Variants in GRM1 observed in about 807,000 individuals in gnomAD.
GRM1 encodes glutamate metabotropic receptor 1, also known as metabotropic glutamate receptor 1.
Under a neutral mutation model 90.9 loss-of-function variants are expected in GRM1, and 33 were observed. That is an observed-to-expected ratio of 0.36 (90% CI 0.28 to 0.49). The LOEUF (loss-of-function observed/expected upper bound fraction) is 0.49, where lower values mean the gene tolerates loss of function less well. GRM1 is among the 20% of genes least tolerant of loss of function. The pLI, the probability that GRM1 is intolerant of heterozygous loss-of-function variation, is 0.99. For synonymous variants in GRM1, 700 were observed against 613.2 expected (o/e 1.14, Z -2.09); for missense variants, 1,190 against 1,534.3 (o/e 0.78, Z 3.75).
intron 1 of GRM1, among the ~76,000 whole-genome samples, chr6:146,106,988 C>T (rs930139228): frequency 6.6e-6 from 1 of 152,198 alleles, no homozygotes; most frequent in African/African-American, 2.4e-5. Flanking sequence ...TCTTCGACCT[C>T]TGGGTAGCAT....
At chr6:146,412,013 C>G (rs1440838767) in intron 7 of GRM1, among the ~76,000 whole-genome samples, 1 of 152,066 alleles carries the variant, frequency 6.6e-6, no homozygotes, top group African/African-American at 2.4e-5. Flanking sequence ...TTAAGATGAA[C>G]CTAACTGTCT....
intron 5 of GRM1, among the ~76,000 whole-genome samples, chr6:146,369,091 G>A (rs538819503): frequency 7.2e-5 from 11 of 151,948 alleles, no homozygotes; most frequent in Admixed American, 5.3e-4. Context: ...TATGTATTCA[G>A]GAAATTATCC....
chr6:146,397,541 G>A (rs561533408), intron 6 of GRM1, among the ~76,000 whole-genome samples: 47 of 149,710 alleles, frequency 3.1e-4, no homozygotes, highest in Middle Eastern at 3.5e-3. Flanking sequence ...CTATAGTAAG[G>A]GATAGTTATG....
chr6:146,390,663 C>A (rs1776681938), intron 6 of GRM1, among the ~76,000 whole-genome samples: 1 of 151,366 alleles, frequency 6.6e-6, no homozygotes, highest in Non-Finnish European at 1.5e-5. Context: ...GTTGTTGTAA[C>A]CTCTTACACT....
intron 2 of GRM1, among the ~76,000 whole-genome samples, chr6:146,302,908 G>A (rs1215185528): frequency 6.6e-6 from 1 of 151,856 alleles, no homozygotes; most frequent in African/African-American, 2.4e-5. Context: ...AAGGGAGGGA[G>A]GGAGGAAGGA....
chr6:146,397,793 C>T (rs1000817584), intron 6 of GRM1, among the ~76,000 whole-genome samples: 9 of 152,176 alleles, frequency 5.9e-5, no homozygotes, highest in African/African-American at 2.2e-4. Context: ...CATCCAAACA[C>T]ATGTTCACTG....
intron 1 of GRM1, among the ~76,000 whole-genome samples, chr6:146,096,082 A>G (rs1398080308): frequency 1.3e-5 from 2 of 152,160 alleles, no homozygotes; most frequent in African/African-American, 4.8e-5. Context: ...ATCAGTCTCA[A>G]GCCTAGAACT....
chr6:146,169,216 A>G (rs544545695), intron 2 of GRM1, among the ~76,000 whole-genome samples: 1 of 152,290 alleles, frequency 6.6e-6, no homozygotes, highest in East Asian at 1.9e-4. Flanking sequence ...CGTTAATCCC[A>G]TCATGTAATT....
In GRM1 at chr6:146,130,374, A is replaced by G. The variant is rs1383943665; in HGVS notation, c.701-28974A>G. Among the ~76,000 whole-genome samples the G allele has an allele frequency of 2.0e-5, 3 of 152,160 alleles. No homozygotes were observed. The East Asian group carries it at 5.8e-4, about 29-fold the overall frequency. On this transcript the variant is annotated intron_variant, in intron 1 of 7. Transcript: ENST00000282753. ...TGTATTTCCTGAAAGTAAATAATGAAAATAAATTTCTTAAGAAAAATAGGT... is the reference window on the plus strand; with the variant it reads ...TGTATTTCCTGAAAGTAAATAATGAGAATAAATTTCTTAAGAAAAATAGGT...
intron 2 of GRM1, among the ~76,000 whole-genome samples, chr6:146,208,337 G>GA (rs1264598201): frequency 5.9e-5 from 9 of 151,942 alleles, no homozygotes; most frequent in African/African-American, 1.4e-4. Context: ...TGTTTCTATT[G>GA]AAAAAAATGT....
chr6:146,408,475 G>A (rs1777438514), intron 7 of GRM1, among the ~76,000 whole-genome samples: 1 of 152,104 alleles, frequency 6.6e-6, no homozygotes, highest in Non-Finnish European at 1.5e-5. Flanking sequence ...TGTATAAAGA[G>A]CACAGCACAA....
At chr6:146,328,816 A>G (rs897338516) in intron 3 of GRM1, among the ~76,000 whole-genome samples, 1 of 152,114 alleles carries the variant, frequency 6.6e-6, no homozygotes, top group African/African-American at 2.4e-5. Flanking sequence ...ATTTTTATTG[A>G]TTAGGTGCAG....
intron 7 of GRM1, among the ~76,000 whole-genome samples, chr6:146,430,363 A>G (rs1229833673): frequency 1.3e-5 from 2 of 152,154 alleles, no homozygotes; most frequent in Admixed American, 1.3e-4. Flanking sequence ...TTTTCCTCCA[A>G]TTGAGCCACC....
intron 3 of GRM1, among the ~76,000 whole-genome samples, chr6:146,341,343 C>G (rs1211192791): frequency 6.6e-6 from 1 of 152,194 alleles, no homozygotes; most frequent in Non-Finnish European, 1.5e-5. Context: ...CAAATACATA[C>G]AGCGAAGCGG....
chr6:146,360,971 A>C (rs1438083895), intron 5 of GRM1, among the ~76,000 whole-genome samples: 1 of 152,198 alleles, frequency 6.6e-6, no homozygotes, highest in Non-Finnish European at 1.5e-5. Flanking sequence ...GGCTACTTGG[A>C]CTATTGGAGG....
intron 1 of GRM1, among the ~76,000 whole-genome samples, chr6:146,045,504 A>C (rs971679187): frequency 1.3e-5 from 2 of 151,900 alleles, no homozygotes; most frequent in African/African-American, 4.8e-5. Context: ...CAATTGAATT[A>C]AGTATGGAAG....
intron 5 of GRM1, among the ~76,000 whole-genome samples, chr6:146,361,476 G>T (rs1355944078): frequency 6.6e-6 from 1 of 152,126 alleles, no homozygotes; most frequent in Non-Finnish European, 1.5e-5. Context: ...CCTTGCTGTA[G>T]TGAAGGACAG....
At chr6:146,038,458 G>T (rs1790971998) in intron 1 of GRM1, among the ~76,000 whole-genome samples, 1 of 151,964 alleles carries the variant, frequency 6.6e-6, no homozygotes, top group Non-Finnish European at 1.5e-5. Flanking sequence ...TCCATATAGG[G>T]CTAGGTAGAT....
chr6:146,091,830 G>T (rs937713787), intron 1 of GRM1, among the ~76,000 whole-genome samples: 5 of 152,000 alleles, frequency 3.3e-5, no homozygotes, highest in African/African-American at 1.2e-4. Context: ...CAGATTAATT[G>T]GGGGGAGTTA....
Sources: gnomAD v4.1 joint callset for allele counts (sites outside exome capture counted in the v4.1 genomes callset) on GRCh38, gnomAD v4.1.1 for gene constraint, MANE v1.5 for transcripts, NCBI Gene and HGNC (gene_info 2026-07-23, HGNC 2026-07-21) for gene names.